FTSJ3: variants seen among roughly 807,000 people sequenced by gnomAD.
The protein encoded by FTSJ3 is pre-rRNA 2'-O-ribose RNA methyltransferase FTSJ3.
FTSJ3 carries 46 observed loss-of-function variants against 111.5 expected under a neutral mutation model. That is an observed-to-expected ratio of 0.41 (90% confidence interval 0.33 to 0.53). The LOEUF is 0.53. FTSJ3 is among the 20% of genes least tolerant of loss of function. FTSJ3 has a pLI of 0.19. For missense variants in FTSJ3, 1,075 were observed against 1,063.8 expected (o/e 1.01, Z -0.15); for synonymous variants, 408 against 383.0 (o/e 1.07, Z -0.76).
chr17:63,821,437 T>C lies in FTSJ3; in HGVS notation c.1803A>G (p.Thr601=). 6.2e-7 allele frequency: 1 copy of C among 1,614,206 alleles called. No individual in the cohort carries two copies. The highest frequency in any genetic ancestry group is 8.5e-7 in the Non-Finnish European group (1 of 1,180,034). Residue 601 remains threonine (T), a synonymous_variant, in exon 16 of 21, where the codon ACA becomes ACG. Coordinates refer to ENST00000427159, the MANE Select transcript of FTSJ3 (RefSeq NM_017647.4). ...APKGTEASSG[T]EAATGLEGEE... is the part of the protein sequence containing the mutation. ...CCCCTTCAAGGCCAGTGGCAGCTTC[T>C]GTCCCCGAAGAAGCCTCTGTTCCCT...
In FTSJ3 at chr17:63,819,999, A is replaced by G. The variant is rs1598347964; in HGVS notation, c.2352-5T>C. ...AGCCCAGCCTTCTTGTAGAGACTAC[A>G]GGGGGGAAGAGAAGAGGTTAGAGGC... is the stretch of plus-strand genomic sequence containing the variant. On this transcript the variant is annotated splice_polypyrimidine_tract_variant and splice_region_variant and intron_variant, in intron 20 of 20. Transcript: ENST00000427159. The G allele has an allele frequency of 6.2e-7, 1 of 1,613,998 alleles. No homozygotes were observed. The highest frequency in any genetic ancestry group is 1.6e-4 in the Middle Eastern group (1 of 6,062).
intron 16 of FTSJ3, 84 bp downstream of exon 16, chr17:63,821,270 G>A (rs989748744): frequency 2.0e-6 from 3 of 1,511,762 alleles, no homozygotes; most frequent in Non-Finnish European, 2.7e-6. Context: ...CCCATGTGCA[G>A]CCAAGATTAA....
chr17:63,820,891 T>C lies in FTSJ3; in HGVS notation c.2020A>G (p.Ile674Val), dbSNP rs1398402772. ...CTCTTGGCCTTTTTGGAAGAGGCAA[T>C]AACAGCACCTAGAGCAAGGCCTTCG... The part of the protein sequence containing the change: ...DPEGLALGAV[I>V]ASSKKAKRDL... The change falls in exon 18 of 21, where the codon ATT becomes GTT. Residue 674 changes from isoleucine to valine, a missense_variant. Transcript: ENST00000427159. 1 of 1,614,126 alleles carries C rather than the reference T, an allele frequency of 6.2e-7. No homozygotes were observed. The highest frequency in any genetic ancestry group is 2.2e-5 in the East Asian group (1 of 44,876).
chr17:63,819,988 G>A lies in FTSJ3; in HGVS notation c.2358C>T (p.Tyr786=). 6.2e-7 allele frequency: 1 copy of A among 1,614,144 alleles called. No homozygotes were observed. The highest frequency in any genetic ancestry group is 1.3e-5 in the African/African-American group (1 of 75,044). The part of the protein sequence containing the change: ...REKVAQLRSL[Y]KKAGLGKEKR... ...TCTCCTTGCCAAGCCCAGCCTTCTT[G>A]TAGAGACTACAGGGGGGAAGAGAAG... The change falls in exon 21 of 21, where the codon TAC becomes TAT. Residue 786 remains tyrosine, a synonymous_variant. Coordinates refer to ENST00000427159, the MANE Select transcript of FTSJ3 (RefSeq NM_017647.4).
In FTSJ3 at chr17:63,821,383, A is replaced by G. The variant is rs768455193; in HGVS notation, c.1857T>C (p.Asp619=). 6.2e-7 allele frequency: 1 copy of G among 1,613,406 alleles called. No individual in the cohort carries two copies. The highest frequency in any genetic ancestry group is 8.5e-7 in the Non-Finnish European group (1 of 1,179,870). ...CTTCTTCCTCACTGCTAGTACTGCT[A>G]TCACTGTCTGAGATGCCATCCTTTT... ...GEEKDGISDS[D]SSTSSEEEES... is the part of the protein sequence containing the mutation. Residue 619 remains aspartate, a synonymous_variant, in exon 16 of 21, where the codon GAT becomes GAC. Coordinates refer to ENST00000427159, the MANE Select transcript of FTSJ3 (RefSeq NM_017647.4).
rs776926799 is a variant in FTSJ3 at position 63,819,763 on chromosome 17, C to T, written c.*39G>A. ...GACTGAGCCATGCCACACCCTTCCT[C>T]CTAGTCCCCATGCTCTCCTGGGAGC... On this transcript the variant is annotated 3_prime_UTR_variant, in exon 21 of 21. Coordinates refer to ENST00000427159, the MANE Select transcript of FTSJ3 (RefSeq NM_017647.4). The T allele has an allele frequency of 5.1e-6, 8 of 1,575,002 alleles. No individual in the cohort carries two copies. The highest frequency in any genetic ancestry group is 4.5e-5 in the East Asian group (2 of 44,650).
chr17:63,820,126 C>T lies in FTSJ3; in HGVS notation c.2304G>A (p.Val768=). 16 of 1,614,158 alleles carry T rather than the reference C, an allele frequency of 9.9e-6. No individual in the cohort carries two copies. Among genetic ancestry groups the T allele is most frequent in the Non-Finnish European group, 1.4e-5 (16 of 1,180,024 alleles). ...EQTRKKAEAV[V]NTVDISEREK... The stretch of plus-strand genomic sequence containing the variant: ...CTCGTTCTGAGATGTCCACTGTGTT[C>T]ACCACGGCTTCTGCCTTCTTCCTGG... The change falls in exon 20 of 21, where the codon GTG becomes GTA. Residue 768 remains valine (V), a synonymous_variant. Transcript: ENST00000427159.
chr17:63,820,605 C>G (rs1037736223), intron 18 of FTSJ3, among the ~76,000 whole-genome samples, 167 bp from the exon 19 acceptor site: 2 of 152,038 alleles, frequency 1.3e-5, no homozygotes, highest in African/African-American at 4.8e-5. Flanking sequence ...ATGGTGAAAC[C>G]CCATCTCTAC....
rs776780004 is a variant in FTSJ3 at position 63,820,082 on chromosome 17, C to T, written c.2348G>A (p.Arg783Gln). 5 of 1,614,042 alleles carry T rather than the reference C, an allele frequency of 3.1e-6. No homozygotes were observed. Among genetic ancestry groups the T allele is most frequent in the African/African-American group, 1.3e-5 (1 of 74,906 alleles). Reference protein sequence around the residue: ...ISEREKVAQLRSLYKKAGLGK... With the variant: ...ISEREKVAQLQSLYKKAGLGK... ...CTTTGTGGTGTCCTCCCATTACCTTCGCAGCTGTGCCACTTTCTCTCGTTC... is the reference window on the plus strand; with the variant it reads ...CTTTGTGGTGTCCTCCCATTACCTTTGCAGCTGTGCCACTTTCTCTCGTTC... The change falls in exon 20 of 21, where the codon CGA (arginine) becomes CAA (glutamine). Residue 783 changes from arginine to glutamine, a missense_variant. By Grantham distance (43) the Arg-to-Gln change is conservative. Transcript: ENST00000427159.
At position 63,824,199 on chromosome 17, in the gene FTSJ3, A is replaced by G. The variant is rs1170175899; in HGVS notation, c.1039T>C (p.Ser347Pro). ...GEEDEGDEED[S>P]TAGTTKQPSK... ...GGCTGCTTTGTGGTTCCAGCTGTTG[A>G]GTCCTCCTCATCACCTTCATCTTCC... The change falls in exon 12 of 21, where the codon TCA becomes CCA. Residue 347 changes from serine to proline, a missense_variant. This residue lies in a region of FTSJ3 where 867 missense variants were observed against 796.9 expected (regional missense o/e 1.09). Transcript: ENST00000427159. The G allele has an allele frequency of 1.2e-6, 2 of 1,613,700 alleles. No individual in the cohort carries two copies. Among genetic ancestry groups the G allele is most frequent in the Non-Finnish European group, 1.7e-6 (2 of 1,179,988 alleles).
chr17:63,827,483 G>A lies in FTSJ3; in HGVS notation c.-458C>T, dbSNP rs780316085. On this transcript the variant is annotated 5_prime_UTR_variant, in exon 1 of 21. Coordinates refer to ENST00000427159, the MANE Select transcript of FTSJ3 (RefSeq NM_017647.4). Reference sequence around the variant, plus strand: ...TCGGATGCCGGCGGTCTCTGCTGAAGAGAGAAGATGGCGCTTGACGGACCA... The same window carrying A: ...TCGGATGCCGGCGGTCTCTGCTGAAAAGAGAAGATGGCGCTTGACGGACCA... The A allele has an allele frequency of 5.8e-6, 9 of 1,551,744 alleles. No individual in the cohort carries two copies. Among genetic ancestry groups the A allele is most frequent in the South Asian group, 1.2e-5 (1 of 84,068 alleles).
chr17:63,823,862 C>T lies in FTSJ3; in HGVS notation c.1245G>A (p.Glu415=), dbSNP rs1270085141. The T allele has an allele frequency of 3.1e-6, 5 of 1,614,068 alleles. No homozygotes were observed. Among genetic ancestry groups the T allele is most frequent in the Non-Finnish European group, 3.4e-6 (4 of 1,180,050 alleles). Residue 415 remains glutamate (E), a synonymous_variant, in exon 13 of 21, where the codon GAG becomes GAA. Coordinates refer to ENST00000427159, the MANE Select transcript of FTSJ3 (RefSeq NM_017647.4). ...TCAAGGAGAACATGCCAGTCTCCCC[C>T]TCGTCTGCAATGGAAACCCCAGGCA... The part of the protein sequence containing the change: ...MDLPGVSIAD[E]GETGMFSLST...
rs1447208203 is a variant in FTSJ3 at position 63,824,149 on chromosome 17, C to A, written c.1089G>T (p.Glu363Asp). 1 of 1,613,834 alleles carries A rather than the reference C, an allele frequency of 6.2e-7. No individual in the cohort carries two copies. Among genetic ancestry groups the A allele is most frequent in the African/African-American group, 1.3e-5 (1 of 74,776 alleles). ...KQPSKEEEEE[E>D]EEEQLNQTLA... ...AGGTCTGGTTCAGTTGTTCCTCCTC[C>A]TCCTCTTCCTCCTCCTCCTTAGAGG... is the stretch of plus-strand genomic sequence containing the variant. Residue 363 changes from glutamate to aspartate, a missense_variant, in exon 12 of 21, where the codon GAG becomes GAT. Physicochemically the swap from Glu to Asp is conservative, Grantham distance 45. This residue lies in a region of FTSJ3 where 867 missense variants were observed against 796.9 expected (regional missense o/e 1.09). Transcript: ENST00000427159.
chr17:63,826,287 T>C lies in FTSJ3; in HGVS notation c.191A>G (p.Lys64Arg). 1.9e-6 allele frequency: 3 copies of C among 1,614,182 alleles called. No individual in the cohort carries two copies. The highest frequency in any genetic ancestry group is 2.5e-6 in the Non-Finnish European group (3 of 1,180,032). ...AATAAGGCTGGATACAGGCATAAAC[T>C]TGGCAGCTACCTGCAGCCTATAAAA... ...APGGWLQVAA[K>R]FMPVSSLIVG... is the part of the protein sequence containing the mutation. The change falls in exon 4 of 21, where the codon AAG becomes AGG. Residue 64 changes from lysine (K) to arginine (R), a missense_variant. Physicochemically the swap from Lys to Arg is conservative, Grantham distance 26. This residue lies in a region of FTSJ3 where 208 missense variants were observed against 266.9 expected (regional missense o/e 0.78). Coordinates refer to ENST00000427159, the MANE Select transcript of FTSJ3 (RefSeq NM_017647.4).
Position 63,827,188 on chromosome 17 carries a change from T to C in FTSJ3, c.-163A>G. The C allele has an allele frequency of 3.3e-6, 2 of 604,288 alleles. No individual in the cohort carries two copies. The highest frequency in any genetic ancestry group is 5.9e-5 in the Admixed American group (2 of 33,974). The allele number at this position is 604,288 out of a possible 1,614,324, so 37.4% of individuals were successfully genotyped here. Reference sequence around the variant, plus strand: ...GAGTGTGGCCCTAGATTGTTCTCAATACTCTGTCCTTGGGTTTTGTAAGTT... The same window carrying C: ...GAGTGTGGCCCTAGATTGTTCTCAACACTCTGTCCTTGGGTTTTGTAAGTT... On this transcript the variant is annotated 5_prime_UTR_variant, in exon 1 of 21. Transcript: ENST00000427159.
chr17:63,827,056 A>G lies in FTSJ3; in HGVS notation c.-31T>C, dbSNP rs1277272385. The G allele has an allele frequency of 1.4e-6, 1 of 711,840 alleles. No individual in the cohort carries two copies. Among genetic ancestry groups the G allele is most frequent in the East Asian group, 2.6e-5 (1 of 38,320 alleles). 44.1% of individuals were successfully genotyped at this position (711,840 alleles called of 1,614,324 possible). On this transcript the variant is annotated 5_prime_UTR_variant, in exon 1 of 21. Coordinates refer to ENST00000427159, the MANE Select transcript of FTSJ3 (RefSeq NM_017647.4). Reference sequence around the variant, plus strand: ...GCGCCCCTCTCCGCACACTACCTAGACCCAGAGCCGCTTTCTCCACACTTG... The same window carrying G: ...GCGCCCCTCTCCGCACACTACCTAGGCCCAGAGCCGCTTTCTCCACACTTG...
intron 1 of FTSJ3, 32 bp from the exon 2 acceptor site, chr17:63,826,960 T>C (rs2040112703): frequency 2.1e-6 from 3 of 1,437,004 alleles, no homozygotes; most frequent in East Asian, 2.3e-5. Context: ...GGAACGTCTC[T>C]TTCCGGAGCA....
Position 63,821,549 on chromosome 17 carries a change from T to TGCTGCC in FTSJ3, c.1685_1690dup (p.Arg562_Gln563dup), listed in dbSNP as rs762175788. 5 of 1,614,086 alleles carry TGCTGCC rather than the reference T, an allele frequency of 3.1e-6. No individual in the cohort carries two copies. In the South Asian group the frequency reaches 4.4e-5, roughly 14 times the overall value. On this transcript the variant is annotated inframe_insertion, in exon 16 of 21. Coordinates refer to ENST00000427159, the MANE Select transcript of FTSJ3 (RefSeq NM_017647.4). The stretch of plus-strand genomic sequence containing the variant: ...CTGTGGCAGCTGCTGCTTCTGCTGC[T>TGCTGCC]GCTGCCGTCCCTTCCGCCGGTTCTC...
At chr17:63,823,772 C>A in intron 13 of FTSJ3, 45 bp downstream of exon 13, 1 of 1,597,982 alleles carries the variant, frequency 6.3e-7, no homozygotes, top group Non-Finnish European at 8.5e-7. Context: ...AACACCCAAA[C>A]AGATCCTTCT....
Sources: allele counts gnomAD v4.1 joint callset (sites outside exome capture counted in the v4.1 genomes callset), GRCh38; gene constraint gnomAD v4.1.1; regional missense constraint gnomAD v4.1.1; transcripts MANE v1.5; gene names NCBI Gene and HGNC (gene_info 2026-07-23, HGNC 2026-07-21).